ADSL: variants seen among roughly 807,000 people sequenced by gnomAD.
ADSL encodes adenylosuccinate lyase.
ADSL carries 44 observed loss-of-function variants against 62.1 expected under a neutral mutation model. The ratio of observed to expected loss-of-function variants is 0.71; its 90% CI spans 0.56 to 0.91. The LOEUF (loss-of-function observed/expected upper bound fraction) is 0.91. Among genes scored for constraint, ADSL ranks in the 40% least tolerant of loss-of-function variants. ADSL has a pLI of 0.00. For synonymous variants in ADSL, 198 were observed against 220.5 expected, an observed-to-expected ratio of 0.90 and a Z score of 0.90; for missense variants, 531 against 627.4, an observed-to-expected ratio of 0.85 and a Z score of 1.64.
rs796837028 is a variant in ADSL, at chr22:40,377,444, A to G, written c.89+10946A>G. Among the ~76,000 whole-genome samples the G allele has an allele frequency of 5.3e-5, 8 of 152,172 alleles. No homozygotes were observed. In the South Asian group the frequency reaches 8.3e-4, roughly 16 times the overall value. On this transcript the variant is annotated intron_variant, in intron 2 of 2. Transcript: ENST00000498234. The stretch of plus-strand genomic sequence containing the variant: ...GTCCTACTACATATCCTTCCAATAC[A>G]TTCCTGTCTTTCATAACTTAAGTTA...
At chr22:40,387,118 G>T in intron 2 of ADSL, 1 of 397,528 alleles carries the variant, frequency 2.5e-6, no homozygotes, top group East Asian at 3.6e-5. Context: ...GACTGCTGAG[G>T]GGTCAGTCCT....
intron 4 of ADSL, among the ~76,000 whole-genome samples, chr22:40,356,495 G>C (rs1300236027): frequency 6.8e-6 from 1 of 146,948 alleles, no homozygotes; most frequent in African/African-American, 2.5e-5. Context: ...AGATCGCGCC[G>C]CTGCACTCCA....
At chr22:40,381,606 G>A (rs758733978) in intron 2 of ADSL, among the ~76,000 whole-genome samples, 5 of 152,124 alleles carry the variant, frequency 3.3e-5, no homozygotes, top group Non-Finnish European at 7.3e-5. Context: ...AAGCATGAGA[G>A]CCCTTTATTA....
intron 2 of ADSL, among the ~76,000 whole-genome samples, chr22:40,385,937 G>C (rs2048345173): frequency 6.6e-6 from 1 of 151,816 alleles, no homozygotes; most frequent in South Asian, 2.1e-4. Context: ...CTGCAGCGTC[G>C]ACCTCCCGGG....
chr22:40,356,363 C>G lies in ADSL; in HGVS notation c.482+2036C>G, dbSNP rs536054368. On this transcript the variant is annotated intron_variant, in intron 4 of 12. Coordinates refer to ENST00000623063, the MANE Select transcript of ADSL (RefSeq NM_000026.4). The stretch of plus-strand genomic sequence containing the variant: ...CAGCTTGGCCAACATGGTGAAACTC[C>G]ATGTGTGCTAAAAATAACACAAATA... Among the ~76,000 whole-genome samples the G allele has an allele frequency of 3.3e-5, 5 of 151,946 alleles. No individual in the cohort carries two copies. In the East Asian group the frequency reaches 9.7e-4, roughly 29 times the overall value.
At chr22:40,352,433 C>T (rs2044383475) in intron 2 of ADSL, among the ~76,000 whole-genome samples, 1 of 152,096 alleles carries the variant, frequency 6.6e-6, no homozygotes, top group Admixed American at 6.5e-5. Context: ...GAGGCTGAGG[C>T]AGGAGAATGG....
At chr22:40,380,485 G>A (rs1422666698) in intron 2 of ADSL, among the ~76,000 whole-genome samples, 2 of 151,152 alleles carry the variant, frequency 1.3e-5, no homozygotes, top group East Asian at 3.9e-4. Context: ...TCCCACCTCA[G>A]CATCCCGAGT....
intron 7 of ADSL, 100 bp downstream of exon 7, chr22:40,360,592 T>C (rs746695576): frequency 6.1e-6 from 5 of 814,736 alleles, no homozygotes; most frequent in Non-Finnish European, 8.2e-6. Flanking sequence ...TCTCAAGCAA[T>C]ATTTTACATT....
chr22:40,362,289 A>G (rs2044822675), intron 9 of ADSL, among the ~76,000 whole-genome samples: 1 of 152,202 alleles, frequency 6.6e-6, no homozygotes. Flanking sequence ...ATACGGATGT[A>G]TAGTTAAACC....
intron 4 of ADSL, among the ~76,000 whole-genome samples, chr22:40,358,496 A>C (rs1025402609): frequency 1.3e-5 from 2 of 152,192 alleles, no homozygotes; most frequent in African/African-American, 4.8e-5. Flanking sequence ...AGGCAGAAGG[A>C]TCACTTGAGC....
intron 2 of ADSL, among the ~76,000 whole-genome samples, chr22:40,352,806 A>G (rs1413023840): frequency 2.0e-5 from 3 of 152,204 alleles, no homozygotes; most frequent in Non-Finnish European, 4.4e-5. Flanking sequence ...ACCTTCAGTC[A>G]TCTTAGATAC....
At chr22:40,385,244 C>T (rs2048229911) in intron 2 of ADSL, among the ~76,000 whole-genome samples, 1 of 152,116 alleles carries the variant, frequency 6.6e-6, no homozygotes, top group South Asian at 2.1e-4. Context: ...GGGTGAAAAG[C>T]TTAAGGAGTG....
At position 40,361,475 on chromosome 22, in the gene ADSL, T is replaced by G; in HGVS notation, c.863-13T>G. On this transcript the variant is annotated splice_polypyrimidine_tract_variant and intron_variant, in intron 8 of 12. Transcript: ENST00000623063. ...CTCTGCCTTTGCATCTTGTCCTTTTTTTACATGGGCAGGCTCAAGTGCGAT... is the reference window on the plus strand; with the variant it reads ...CTCTGCCTTTGCATCTTGTCCTTTTGTTACATGGGCAGGCTCAAGTGCGAT... 1 of 1,614,216 alleles carries G rather than the reference T, an allele frequency of 6.2e-7. No homozygotes were observed. The highest frequency in any genetic ancestry group is 8.5e-7 in the Non-Finnish European group (1 of 1,180,048).
At chr22:40,354,029 A>C (rs774551005) in intron 3 of ADSL, 6 of 601,208 alleles carry the variant, frequency 1.0e-5, no homozygotes, top group Non-Finnish European at 1.8e-5. Flanking sequence ...TGGTCTTAAA[A>C]TAGTTCATGA....
intron 2 of ADSL, among the ~76,000 whole-genome samples, chr22:40,351,738 C>T (rs1408129421): frequency 6.6e-6 from 1 of 152,122 alleles, no homozygotes; most frequent in Non-Finnish European, 1.5e-5. Context: ...GACGGAGTCT[C>T]GCTCTGTCTC....
chr22:40,371,061 T>G (rs2045349097), downstream of ADSL, among the ~76,000 whole-genome samples: 2 of 152,244 alleles, frequency 1.3e-5, no homozygotes, highest in African/African-American at 4.8e-5. Flanking sequence ...TGGCTGGCTC[T>G]GGCACCGGGA....
chr22:40,358,688 G>A (rs541440989), intron 4 of ADSL, among the ~76,000 whole-genome samples, 176 bp from the exon 5 acceptor site: 57 of 152,244 alleles, frequency 3.7e-4, no homozygotes, highest in African/African-American at 1.2e-3. Flanking sequence ...TTGAATCTCC[G>A]TAACGATTAT....
chr22:40,365,168 A>C (rs1413916992), intron 12 of ADSL, 112 bp downstream of exon 12: 1 of 1,188,778 alleles, frequency 8.4e-7, no homozygotes, highest in Non-Finnish European at 1.2e-6. Context: ...GAAGAAAATC[A>C]GAGCAGGTTG....
intron 2 of ADSL, among the ~76,000 whole-genome samples, chr22:40,385,092 C>T (rs1406518019): frequency 6.6e-6 from 1 of 152,158 alleles, no homozygotes; most frequent in African/African-American, 2.4e-5. Flanking sequence ...AGTCATTGAA[C>T]AGTTCAAGAA....
Sources: gnomAD v4.1 joint callset for allele counts (sites outside exome capture counted in the v4.1 genomes callset) on GRCh38, gnomAD v4.1.1 for gene constraint, MANE v1.5 for transcripts, NCBI Gene and HGNC (gene_info 2026-07-23, HGNC 2026-07-21) for gene names.